The following TBC1D8B variants were observed in gnomAD, a reference collection of about 807,000 sequenced individuals.
The protein encoded by TBC1D8B is RP11-321G1.1.
TBC1D8B carries 75 observed loss-of-function variants against 82.9 expected under a neutral mutation model. The observed-to-expected ratio is 0.90, with a 90% CI of 0.75 to 1.10. The LOEUF (loss-of-function observed/expected upper bound fraction) is 1.10, where lower values mean the gene tolerates loss of function less well. Ranked by LOEUF, TBC1D8B falls within the 50% of genes least tolerant of loss-of-function variation. The probability of loss-of-function intolerance (pLI) is 0.00; values close to 1 mark genes in which losing one functional copy is unlikely to be tolerated. For missense variants in TBC1D8B, 794 were observed against 796.9 expected (o/e 1.00, Z 0.04); for synonymous variants, 276 against 276.8 (o/e 1.00, Z 0.03).
intron 6 of TBC1D8B, among the ~76,000 whole-genome samples, 165 bp from the exon 7 acceptor site, chrX:106,827,005 G>A (rs1275230375): frequency 9.0e-6 from 1 of 111,564 alleles, no homozygotes; most frequent in Non-Finnish European, 1.9e-5. Flanking sequence ...CTTGCACTGA[G>A]GTTAATTGTA....
rs754519511 is a variant in TBC1D8B at position 106,869,471 on chromosome X, A to G, written c.2813-14A>G. 1.7e-6 allele frequency: 2 copies of G among 1,202,900 alleles called. No homozygotes were observed. The highest frequency in any genetic ancestry group is 2.2e-6 in the Non-Finnish European group (2 of 889,015). On this transcript the variant is annotated splice_polypyrimidine_tract_variant and intron_variant, in intron 18 of 20. Coordinates refer to ENST00000357242, the MANE Select transcript of TBC1D8B (RefSeq NM_017752.3). The stretch of plus-strand genomic sequence containing the variant: ...TAAACATCTTACAGAATGCAATTAC[A>G]TCTTTTCTTATAGTTTCCAAGCCTG...
At chrX:106,863,406 GGT>G (rs901905832) in intron 14 of TBC1D8B, among the ~76,000 whole-genome samples, 10 of 110,846 alleles carry the variant, frequency 9.0e-5, no homozygotes, top group Non-Finnish European at 9.5e-5. Context: ...TCTTTTGTTG[GGT>G]GCTCTGGTCC....
chrX:106,806,143 A>G (rs759918986), intron 1 of TBC1D8B, among the ~76,000 whole-genome samples: 1 of 112,184 alleles, frequency 8.9e-6, no homozygotes, highest in East Asian at 2.8e-4. Context: ...TTAAAACAAG[A>G]GATGAGTTTG....
intron 10 of TBC1D8B, among the ~76,000 whole-genome samples, chrX:106,841,119 C>G (rs1455913284): frequency 1.8e-5 from 2 of 111,592 alleles, no homozygotes; most frequent in African/African-American, 6.5e-5. Flanking sequence ...AAAAGATACT[C>G]TGCTAGGTAC....
chrX:106,854,807 C>A (rs1187564635), intron 14 of TBC1D8B, among the ~76,000 whole-genome samples: 1 of 111,728 alleles, frequency 9.0e-6, no homozygotes, highest in Non-Finnish European at 1.9e-5. Flanking sequence ...TGAGCTACCA[C>A]ACCTAGCCTG....
chrX:106,839,458 G>T lies in TBC1D8B; in HGVS notation c.1353+1G>T. The T allele has an allele frequency of 8.8e-7, 1 of 1,141,250 alleles. No individual in the cohort carries two copies. The highest frequency in any genetic ancestry group is 1.2e-6 in the Non-Finnish European group (1 of 860,157). The allele number at this position is 1,141,250 out of a possible 1,213,427, so 94.1% of individuals were successfully genotyped here. A position where few individuals can be genotyped will look rare whatever the true frequency, so the allele number is the denominator to read the frequency against. ...TTTGGAGACTCTTAATTCTAAAATG[G>T]TAGGAAAACAAAATATTTAAACCTA... On this transcript the variant is annotated splice_donor_variant, in intron 8 of 20. Transcript: ENST00000357242. LOFTEE classifies it high-confidence loss of function.
chrX:106,837,956 T>C lies in TBC1D8B; in HGVS notation c.1204-1352T>C, dbSNP rs749402021. On this transcript the variant is annotated intron_variant, in intron 7 of 20. Transcript: ENST00000357242. Reference sequence around the variant, plus strand: ...TTTATATATTTGTGCTTATTTAACATTGCATGCCTGTATCAACACATCCTC... The same window carrying C: ...TTTATATATTTGTGCTTATTTAACACTGCATGCCTGTATCAACACATCCTC... Among the ~76,000 whole-genome samples, 4 of 111,614 alleles carry C rather than the reference T, an allele frequency of 3.6e-5. No homozygotes were observed. The East Asian group carries it at 1.1e-3, about 31-fold the overall frequency.
chrX:106,853,466 C>T (rs780718082), intron 12 of TBC1D8B, 55 bp from the exon 13 acceptor site: 1 of 1,132,224 alleles, frequency 8.8e-7, no homozygotes, highest in South Asian at 1.9e-5. Flanking sequence ...TGTCATTTCT[C>T]TGCTTTAATA....
At chrX:106,867,331 T>G (rs2147773721) in intron 17 of TBC1D8B, among the ~76,000 whole-genome samples, 1 of 112,127 alleles carries the variant, frequency 8.9e-6, no homozygotes, top group East Asian at 2.8e-4. Context: ...TGTCAAGACA[T>G]TAACTTTACA....
At chrX:106,809,971 A>G (rs1931319309) in intron 1 of TBC1D8B, among the ~76,000 whole-genome samples, 1 of 111,612 alleles carries the variant, frequency 9.0e-6, no homozygotes, top group Non-Finnish European at 1.9e-5. Context: ...TAAATAAGTA[A>G]GCAAACCAAT....
chrX:106,830,447 A>G (rs1232698010), intron 7 of TBC1D8B, among the ~76,000 whole-genome samples: 6 of 111,418 alleles, frequency 5.4e-5, no homozygotes, highest in Non-Finnish European at 9.4e-5. Context: ...ATTACTGGGT[A>G]TATACCCAAA....
chrX:106,811,261 A>T (rs1050451245), intron 1 of TBC1D8B, among the ~76,000 whole-genome samples: 1 of 112,131 alleles, frequency 8.9e-6, no homozygotes, highest in Non-Finnish European at 1.9e-5. Context: ...ACGGTGACCC[A>T]TGCCTGTAAT....
chrX:106,825,651 A>G (rs1455598744), intron 5 of TBC1D8B, among the ~76,000 whole-genome samples: 2 of 111,016 alleles, frequency 1.8e-5, no homozygotes, highest in Admixed American at 1.9e-4. Context: ...AACTCGCTTG[A>G]TTTTCTGGTA....
chrX:106,841,771 A>G (rs1932313079), intron 10 of TBC1D8B, among the ~76,000 whole-genome samples: 1 of 111,997 alleles, frequency 8.9e-6, no homozygotes, highest in African/African-American at 3.2e-5. Context: ...CTGACAGCAG[A>G]CTGTCATTTT....
intron 7 of TBC1D8B, among the ~76,000 whole-genome samples, chrX:106,830,868 C>T (rs975301407): frequency 6.5e-5 from 7 of 107,533 alleles, no homozygotes; most frequent in Non-Finnish European, 1.2e-4. Context: ...GTGGGTGCAG[C>T]GCACCAGCAT....
chrX:106,846,816 G>T (rs1323794035), intron 10 of TBC1D8B, among the ~76,000 whole-genome samples: 3 of 111,767 alleles, frequency 2.7e-5, no homozygotes, highest in Non-Finnish European at 5.6e-5. Context: ...GACATGAAAG[G>T]ATTAATCACA....
intron 10 of TBC1D8B, among the ~76,000 whole-genome samples, chrX:106,842,626 TC>T (rs1932339180): frequency 9.4e-6 from 1 of 106,878 alleles, no homozygotes; most frequent in Admixed American, 1.0e-4. Context: ...TATCTATCTA[TC>T]TATCTATCTA....
intron 2 of TBC1D8B, among the ~76,000 whole-genome samples, chrX:106,819,750 G>A (rs1009577440): frequency 1.8e-5 from 2 of 110,352 alleles, no homozygotes; most frequent in Admixed American, 9.7e-5. Context: ...CTGACATCAC[G>A]AGAATTCTGT....
intron 10 of TBC1D8B, among the ~76,000 whole-genome samples, chrX:106,841,667 T>C (rs1932311095): frequency 8.9e-6 from 1 of 111,848 alleles, no homozygotes; most frequent in Non-Finnish European, 1.9e-5. Flanking sequence ...AACAGTATAA[T>C]TTTATTTCTT....
Sources: gnomAD v4.1 joint callset for allele counts (sites outside exome capture counted in the v4.1 genomes callset) on GRCh38, gnomAD v4.1.1 for gene constraint, MANE v1.5 for transcripts, NCBI Gene and HGNC (gene_info 2026-07-23, HGNC 2026-07-21) for gene names.